The following ARHGEF3 variants were observed in gnomAD, a reference collection of about 807,000 sequenced individuals.
ARHGEF3 encodes 59.8 kDA protein.
Under a neutral mutation model 63.2 loss-of-function variants are expected in ARHGEF3, and 28 were observed. That is an observed-to-expected ratio of 0.44 (90% CI 0.33 to 0.61). The LOEUF (loss-of-function observed/expected upper bound fraction) is 0.61, where lower values mean the gene tolerates loss of function less well. Among genes scored for constraint, ARHGEF3 ranks in the 20% least tolerant of loss-of-function variants. The pLI, the probability that ARHGEF3 is intolerant of heterozygous loss-of-function variation, is 0.03. For synonymous variants in ARHGEF3, 266 were observed against 254.2 expected, an observed-to-expected ratio of 1.05 and a Z score of -0.44; for missense variants, 533 against 659.3, an observed-to-expected ratio of 0.81 and a Z score of 2.10.
chr3:56,871,376 A>G (rs1461827065), intron 4 of ARHGEF3, among the ~76,000 whole-genome samples: 1 of 152,156 alleles, frequency 6.6e-6, no homozygotes, highest in Non-Finnish European at 1.5e-5. Context: ...CTACTAAAAT[A>G]CTGAGGTGGC....
intron 9 of ARHGEF3, among the ~76,000 whole-genome samples, chr3:56,731,415 C>T (rs1467732221): frequency 1.3e-5 from 2 of 151,816 alleles, no homozygotes; most frequent in Non-Finnish European, 2.9e-5. Flanking sequence ...CCTGTACTCC[C>T]AGTTACTTGG....
chr3:57,028,928 A>T (rs1483692196), intron 2 of ARHGEF3, among the ~76,000 whole-genome samples: 1 of 151,460 alleles, frequency 6.6e-6, no homozygotes, highest in Non-Finnish European at 1.5e-5. Context: ...AAATCTTCCA[A>T]GATGTTTTCC....
chr3:56,792,958 G>C (rs921258712), intron 1 of ARHGEF3, among the ~76,000 whole-genome samples: 4 of 150,886 alleles, frequency 2.7e-5, no homozygotes, highest in South Asian at 4.2e-4. Flanking sequence ...CCACCAATAA[G>C]TGTATTATTT....
chr3:56,963,547 G>C (rs1232614150), intron 2 of ARHGEF3, among the ~76,000 whole-genome samples: 1 of 152,156 alleles, frequency 6.6e-6, no homozygotes, highest in Non-Finnish European at 1.5e-5. Context: ...ACCTTCGTCA[G>C]CAAGTTGTAT....
intron 3 of ARHGEF3, among the ~76,000 whole-genome samples, chr3:56,945,930 C>T (rs572737006): frequency 6.6e-6 from 1 of 152,200 alleles, no homozygotes; most frequent in East Asian, 1.9e-4. Flanking sequence ...TCAGACAAAA[C>T]TTCCAGAGGA....
At chr3:56,822,849 G>GAAA (rs35895519) in intron 4 of ARHGEF3, among the ~76,000 whole-genome samples, 1,795 of 131,858 alleles carry the variant, frequency 0.014, 45 homozygotes, top group African/African-American at 0.044. Context: ...GTAAGACTCT[G>GAAA]AAAAAAAAAA....
At chr3:56,788,657 G>A (rs2036938235) in intron 1 of ARHGEF3, among the ~76,000 whole-genome samples, 1 of 151,826 alleles carries the variant, frequency 6.6e-6, no homozygotes, top group Non-Finnish European at 1.5e-5. Flanking sequence ...TGTGTCCGTG[G>A]TTGGCACTTG....
In ARHGEF3 at chr3:56,745,244, T is replaced by C; in HGVS notation, c.831A>G (p.Thr277=). ...PLLLREILRH[T]PNDNPDQQHL... ...GCTGCTGATCTGGATTATCATTTGG[T>C]GTGTGCCTCAAGATTTCTCGGAGAA... The change falls in exon 7 of 10, where the codon ACA becomes ACG. Residue 277 remains threonine (T), a synonymous_variant. Coordinates refer to ENST00000296315, the MANE Select transcript of ARHGEF3 (RefSeq NM_019555.3). 2 of 1,613,968 alleles carry C rather than the reference T, an allele frequency of 1.2e-6. No homozygotes were observed. The highest frequency in any genetic ancestry group is 3.3e-4 in the Middle Eastern group (2 of 6,062).
At chr3:56,971,206 T>C (rs1002878213) in intron 2 of ARHGEF3, among the ~76,000 whole-genome samples, 1 of 152,104 alleles carries the variant, frequency 6.6e-6, no homozygotes. Context: ...TGAAAGAACA[T>C]GAATACAACA....
At chr3:56,838,461 A>G (rs1300695999) in intron 4 of ARHGEF3, among the ~76,000 whole-genome samples, 1 of 152,226 alleles carries the variant, frequency 6.6e-6, no homozygotes, top group African/African-American at 2.4e-5. Flanking sequence ...GGGAAATAAG[A>G]TAATAAAAAG....
chr3:56,801,592 G>T, intron 1 of ARHGEF3, 111 bp downstream of exon 1: 2 of 1,363,890 alleles, frequency 1.5e-6, no homozygotes, highest in Non-Finnish European at 2.0e-6. Flanking sequence ...CACGGAGAGT[G>T]AGAGATGGAA....
intron 8 of ARHGEF3, among the ~76,000 whole-genome samples, chr3:56,734,044 C>G (rs4610196): frequency 0.084 from 12,130 of 145,026 alleles, 503 homozygotes; most frequent in Middle Eastern, 0.11. Flanking sequence ...TTAATCAGAA[C>G]CTTGGTTCTC....
At chr3:56,775,356 C>A in intron 1 of ARHGEF3, 1 of 1,098,230 alleles carries the variant, frequency 9.1e-7, no homozygotes, top group African/African-American at 1.6e-5. Flanking sequence ...TCCAAGCTTT[C>A]CAGCATTTGC....
chr3:57,016,401 T>G (rs75287830), intron 2 of ARHGEF3, among the ~76,000 whole-genome samples: 2 of 145,246 alleles, frequency 1.4e-5, no homozygotes, highest in Non-Finnish European at 3.0e-5. Flanking sequence ...AAAAAAAAAT[T>G]AGCTGGGCGT....
rs1051740044 is a variant in ARHGEF3, at chr3:56,916,316, C to G, written c.130-33962G>C. The G allele has an allele frequency of 2.0e-5, 31 of 1,535,336 alleles. No individual in the cohort carries two copies. In the Middle Eastern group the frequency reaches 6.7e-4, roughly 33 times the overall value. On this transcript the variant is annotated intron_variant, in intron 3 of 12. Coordinates refer to the ARHGEF3 transcript ENST00000338458. Reference sequence around the variant, plus strand: ...CAGCAGCAGGGGGCTTACCTGCGAACGGACAAAGAGGCAGCACCACACCAT... The same window carrying G: ...CAGCAGCAGGGGGCTTACCTGCGAAGGGACAAAGAGGCAGCACCACACCAT...
intron 2 of ARHGEF3, chr3:57,035,035 G>T: frequency 7.2e-7 from 1 of 1,393,892 alleles, no homozygotes; most frequent in South Asian, 1.3e-5. Flanking sequence ...TTTAATTGTT[G>T]CATACAGGAA....
upstream of ARHGEF3, among the ~76,000 whole-genome samples, chr3:56,805,989 T>A (rs1272671150): frequency 6.6e-6 from 1 of 152,168 alleles, no homozygotes; most frequent in Non-Finnish European, 1.5e-5. Flanking sequence ...CAATTTGGGG[T>A]GCATACAAGC....
intron 1 of ARHGEF3, among the ~76,000 whole-genome samples, chr3:56,796,232 TA>T (rs1180213973): frequency 6.6e-6 from 1 of 152,204 alleles, no homozygotes; most frequent in Non-Finnish European, 1.5e-5. Context: ...ATCAGTAATT[TA>T]TTTTCTTTCA....
At chr3:56,766,624 T>C (rs551796829) in intron 2 of ARHGEF3, among the ~76,000 whole-genome samples, 2 of 152,326 alleles carry the variant, frequency 1.3e-5, no homozygotes, top group East Asian at 3.8e-4. Flanking sequence ...GACACCACCT[T>C]GGCTTGCATG....
Sources: allele counts gnomAD v4.1 joint callset (sites outside exome capture counted in the v4.1 genomes callset), GRCh38; gene constraint gnomAD v4.1.1; transcripts MANE v1.5; gene names NCBI Gene and HGNC (gene_info 2026-07-23, HGNC 2026-07-21).